The following TMEM179 variants were observed in gnomAD, a reference collection of about 807,000 sequenced individuals.
TMEM179 encodes transmembrane protein 179A.
TMEM179 carries 17 observed loss-of-function variants against 22.2 expected under a neutral mutation model. The observed-to-expected ratio is 0.77, with a 90% CI of 0.52 to 1.15. The LOEUF (loss-of-function observed/expected upper bound fraction) is 1.15. Among genes scored for constraint, TMEM179 ranks in the 50% most tolerant of loss-of-function variants. TMEM179 has a pLI of 0.00. For missense variants in TMEM179, 265 were observed against 313.6 expected, an observed-to-expected ratio of 0.84 and a Z score of 1.17; for synonymous variants, 127 against 140.5, an observed-to-expected ratio of 0.90 and a Z score of 0.68.
chr14:104,601,039 T>C (rs182302580), intron 1 of TMEM179, among the ~76,000 whole-genome samples: 2 of 152,336 alleles, frequency 1.3e-5, no homozygotes, highest in African/African-American at 4.8e-5. Flanking sequence ...CTGAGAGCCC[T>C]TGTCCACCAC....
chr14:104,601,422 G>A (rs906939909), intron 1 of TMEM179, among the ~76,000 whole-genome samples: 2 of 152,214 alleles, frequency 1.3e-5, no homozygotes, highest in Non-Finnish European at 2.9e-5. Context: ...TAAGGTGCAT[G>A]TCTGCCTTGG....
At position 104,597,344 on chromosome 14, in the gene TMEM179, T is replaced by A. The variant is rs938730045; in HGVS notation, c.306-217A>T. Among the ~76,000 whole-genome samples the A allele has an allele frequency of 1.3e-5, 2 of 152,000 alleles. No homozygotes were observed. Among genetic ancestry groups the A allele is most frequent in the Non-Finnish European group, 2.9e-5 (2 of 67,988 alleles). On this transcript the variant is annotated intron_variant, in intron 1 of 3. Transcript: ENST00000556573. This position sits in a 1 kb window ranked among gnomAD's most constrained non-coding sequence, Gnocchi z 4.8. ...CCCTGCCTGCGGTCCCTCGGGCAGC[T>A]CCGTGTGCCCACCCTGGGCTGCAGG... is the stretch of plus-strand genomic sequence containing the variant.
At position 104,591,103 on chromosome 14, in the gene TMEM179, C is replaced by G. The variant is rs1239845776; in HGVS notation, c.*2376G>C. 2 of 320,750 alleles carry G rather than the reference C, an allele frequency of 6.2e-6. No individual in the cohort carries two copies. Among genetic ancestry groups the G allele is most frequent in the South Asian group, 2.3e-5 (1 of 43,116 alleles). The allele number at this position is 320,750 out of a possible 1,614,324, so 19.9% of individuals were successfully genotyped here. On this transcript the variant is annotated 3_prime_UTR_variant, in exon 4 of 4. Coordinates refer to ENST00000556573, the MANE Select transcript of TMEM179 (RefSeq NM_001286389.2). ...GCCCCTGCCCAGCACACTGCAGGCC[C>G]AGCTGCCCCTTCCCAGGGCGATGTG...
chr14:104,594,462 G>A lies in TMEM179; in HGVS notation c.522+703C>T, dbSNP rs902560873. 1.1e-5 allele frequency: 14 copies of A among 1,231,572 alleles called. No homozygotes were observed. The Admixed American group carries it at 1.3e-4, about 11-fold the overall frequency. 76.3% of individuals were successfully genotyped at this position (1,231,572 alleles called of 1,614,324 possible). On this transcript the variant is annotated intron_variant, in intron 3 of 3. Transcript: ENST00000556573. ...TGTCTGGTCTCAGCCACCCCCACCC[G>A]GCACCCCTCATCTGCCTCATCTCCG...
chr14:104,594,866 G>T, intron 3 of TMEM179: 1 of 1,319,682 alleles, frequency 7.6e-7, no homozygotes, highest in South Asian at 2.0e-5. Context: ...TTTCGTTTCT[G>T]GCACCACCTC....
intron 3 of TMEM179, chr14:104,593,965 G>C: frequency 1.9e-6 from 2 of 1,038,558 alleles, no homozygotes; most frequent in Non-Finnish European, 2.5e-6. Flanking sequence ...AGGAGGGGCA[G>C]TGGCCAGTGG....
At chr14:104,599,997 T>G (rs1422179043) in intron 1 of TMEM179, among the ~76,000 whole-genome samples, 1 of 152,144 alleles carries the variant, frequency 6.6e-6, no homozygotes, top group African/African-American at 2.4e-5. Flanking sequence ...CTCACCCCTA[T>G]GAAATGGCCC....
rs1458139710 is a variant in TMEM179, at chr14:104,597,428, G to A, written c.306-301C>T. On this transcript the variant is annotated intron_variant, in intron 1 of 3. Coordinates refer to ENST00000556573, the MANE Select transcript of TMEM179 (RefSeq NM_001286389.2). The surrounding 1 kb of genome is among the most constrained non-coding windows in gnomAD (Gnocchi z 4.8). ...CTGGTCCCCACCATTTCATAAAAGA[G>A]GCTGCACCCAGGGTGGAAGTGAATG... Among the ~76,000 whole-genome samples, 1 of 152,144 alleles carries A rather than the reference G, an allele frequency of 6.6e-6. No individual in the cohort carries two copies. Among genetic ancestry groups the A allele is most frequent in the Non-Finnish European group, 1.5e-5 (1 of 68,020 alleles).
At chr14:104,594,478 C>G in intron 3 of TMEM179, 2 of 1,231,844 alleles carry the variant, frequency 1.6e-6, no homozygotes, top group East Asian at 6.3e-5. Context: ...CCTCATCTGC[C>G]TCATCTCCGT....
rs569110571 is a variant in TMEM179 at position 104,591,516 on chromosome 14, C to T, written c.*1963G>A. The T allele has an allele frequency of 1.7e-5, 7 of 407,480 alleles. No individual in the cohort carries two copies. Among genetic ancestry groups the T allele is most frequent in the East Asian group, 7.5e-5 (1 of 13,404 alleles). 25.2% of individuals were successfully genotyped at this position (407,480 alleles called of 1,614,324 possible). On this transcript the variant is annotated 3_prime_UTR_variant, in exon 4 of 4. Transcript: ENST00000556573. ...CGGATTCTGTCCAAACCCCTTCCCTCGAGGACCTGGCTGCCAGCTGGAAAC... is the reference window on the plus strand; with the variant it reads ...CGGATTCTGTCCAAACCCCTTCCCTTGAGGACCTGGCTGCCAGCTGGAAAC...
rs987732777 is a variant in TMEM179, at chr14:104,595,520, G to T, written c.444-277C>A. ...CTGCCTCTGCCCTCCTGGACCCTCT[G>T]CCCCCCATGCCCCACACTCTGAGGA... On this transcript the variant is annotated intron_variant, in intron 2 of 3. Coordinates refer to ENST00000556573, the MANE Select transcript of TMEM179 (RefSeq NM_001286389.2). This position sits in a 1 kb window ranked among gnomAD's most constrained non-coding sequence, Gnocchi z 5.7. Among the ~76,000 whole-genome samples the T allele has an allele frequency of 1.3e-5, 2 of 152,166 alleles. No homozygotes were observed. The highest frequency in any genetic ancestry group is 4.8e-5 in the African/African-American group (2 of 41,526).
In TMEM179 at chr14:104,591,667, C is replaced by A; in HGVS notation, c.*1812G>T. 1 of 324,484 alleles carries A rather than the reference C, an allele frequency of 3.1e-6. No individual in the cohort carries two copies. Among genetic ancestry groups the A allele is most frequent in the Non-Finnish European group, 6.0e-6 (1 of 165,828 alleles). 20.1% of individuals were successfully genotyped at this position (324,484 alleles called of 1,614,324 possible). On this transcript the variant is annotated 3_prime_UTR_variant, in exon 4 of 4. Coordinates refer to ENST00000556573, the MANE Select transcript of TMEM179 (RefSeq NM_001286389.2). ...CCCAGGATGATGCCCCCACCAGGAC[C>A]CTCCATGTGGACCCAGGCACGTGGC...
chr14:104,591,267 G>C lies in TMEM179; in HGVS notation c.*2212C>G. 1 of 429,610 alleles carries C rather than the reference G, an allele frequency of 2.3e-6. No homozygotes were observed. 26.6% of individuals were successfully genotyped at this position (429,610 alleles called of 1,614,324 possible). On this transcript the variant is annotated 3_prime_UTR_variant, in exon 4 of 4. Transcript: ENST00000556573. ...GCAGCCCCCAAGAACAGACCCAACC[G>C]GGGCCAAGCCTCAGGTTCCAGAAGC...
At position 104,593,122 on chromosome 14, in the gene TMEM179, AT is replaced by A. The variant is rs1264793119; in HGVS notation, c.*356del. The A allele has an allele frequency of 2.8e-5, 9 of 324,274 alleles. No homozygotes were observed. The highest frequency in any genetic ancestry group is 4.6e-5 in the Non-Finnish European group (8 of 175,286). The allele number at this position is 324,274 out of a possible 1,614,324, so 20.1% of individuals were successfully genotyped here. The stretch of plus-strand genomic sequence containing the variant: ...CTGGGCCAGCTGGCATGGAGACAGC[AT>A]CCGGCCAGGGTTGGGGGAGACAAGC... On this transcript the variant is annotated 3_prime_UTR_variant, in exon 4 of 4. Coordinates refer to ENST00000556573, the MANE Select transcript of TMEM179 (RefSeq NM_001286389.2).
chr14:104,601,209 C>G (rs138055178), intron 1 of TMEM179, among the ~76,000 whole-genome samples: 17 of 152,310 alleles, frequency 1.1e-4, no homozygotes, highest in Non-Finnish European at 1.9e-4. Flanking sequence ...TCCCAGGGGT[C>G]CAGAACTTCC....
rs1886869012 is a variant in TMEM179, at chr14:104,592,182, C to T, written c.*1297G>A. The T allele has an allele frequency of 6.5e-6, 1 of 154,486 alleles. No individual in the cohort carries two copies. Among genetic ancestry groups the T allele is most frequent in the African/African-American group, 2.4e-5 (1 of 41,452 alleles). The allele number at this position is 154,486 out of a possible 1,614,324, so 9.6% of individuals were successfully genotyped here. A position where few individuals can be genotyped will look rare whatever the true frequency, so the allele number is the denominator to read the frequency against. On this transcript the variant is annotated 3_prime_UTR_variant, in exon 4 of 4. Coordinates refer to ENST00000556573, the MANE Select transcript of TMEM179 (RefSeq NM_001286389.2). ...TCACACGCACAGGCGTGCACATGCT[C>T]ACATGCAACACACGCACATTCACAT...
chr14:104,592,134 G>A lies in TMEM179; in HGVS notation c.*1345C>T, dbSNP rs980639924. 6.4e-6 allele frequency: 1 copy of A among 155,954 alleles called. No individual in the cohort carries two copies. Among genetic ancestry groups the A allele is most frequent in the Non-Finnish European group, 1.4e-5 (1 of 70,168 alleles). 9.7% of individuals were successfully genotyped at this position (155,954 alleles called of 1,614,324 possible). A position where few individuals can be genotyped will look rare whatever the true frequency, so the allele number is the denominator to read the frequency against. ...GAGGGGCTGTCCACACAGCACCCAC[G>A]GCTCCCATCACGCACACAATGCTCA... On this transcript the variant is annotated 3_prime_UTR_variant, in exon 4 of 4. Transcript: ENST00000556573.
Position 104,595,783 on chromosome 14 carries a change from G to A in TMEM179, c.444-540C>T, listed in dbSNP as rs1031263702. On this transcript the variant is annotated intron_variant, in intron 2 of 3. Coordinates refer to ENST00000556573, the MANE Select transcript of TMEM179 (RefSeq NM_001286389.2). This position sits in a 1 kb window ranked among gnomAD's most constrained non-coding sequence, Gnocchi z 5.7. ...CACGGAGGCATCTGTGGAAGCAGTG[G>A]GCATCAGAGGGCCCAGGAGTGAGCC... Among the ~76,000 whole-genome samples, 3 of 152,216 alleles carry A rather than the reference G, an allele frequency of 2.0e-5. No individual in the cohort carries two copies. The highest frequency in any genetic ancestry group is 4.4e-5 in the Non-Finnish European group (3 of 68,022).
In TMEM179 at chr14:104,594,349, C is replaced by T. The variant is rs938237472; in HGVS notation, c.523-691G>A. The T allele has an allele frequency of 1.4e-5, 17 of 1,231,702 alleles. No homozygotes were observed. In the African/African-American group the frequency reaches 2.0e-4, roughly 15 times the overall value. 76.3% of individuals were successfully genotyped at this position (1,231,702 alleles called of 1,614,324 possible). On this transcript the variant is annotated intron_variant, in intron 3 of 3. Coordinates refer to ENST00000556573, the MANE Select transcript of TMEM179 (RefSeq NM_001286389.2). ...AGGAGAAGCGTCCTCAGGCCAGCCA[C>T]GGCCAGCAAGAGCCTTCAGAGGCCA...
Sources: allele counts gnomAD v4.1 joint callset (sites outside exome capture counted in the v4.1 genomes callset), GRCh38; gene constraint gnomAD v4.1.1; non-coding constraint Gnocchi (gnomAD v3.1); transcripts MANE v1.5; gene names NCBI Gene and HGNC (gene_info 2026-07-23, HGNC 2026-07-21).